SESTD1: variants seen among roughly 807,000 people sequenced by gnomAD.
SESTD1 encodes SEC14 and spectrin domain containing 1, also known as SEC14 domain and spectrin repeat-containing protein 1.
SESTD1 carries 43 observed loss-of-function variants against 101.7 expected under a neutral mutation model. The ratio of observed to expected loss-of-function variants is 0.42; its 90% CI spans 0.33 to 0.55. The LOEUF is 0.55. Ranked by LOEUF, SESTD1 falls within the 20% of genes least tolerant of loss-of-function variation. SESTD1 has a pLI of 0.07. For synonymous variants in SESTD1, 283 were observed against 286.8 expected (o/e 0.99, Z 0.13); for missense variants, 647 against 815.1 (o/e 0.79, Z 2.51).
intron 1 of SESTD1, among the ~76,000 whole-genome samples, chr2:179,255,501 C>T (rs553757390): frequency 3.3e-5 from 5 of 152,178 alleles, no homozygotes; most frequent in African/African-American, 9.7e-5. Context: ...TAATTCAGAG[C>T]AAGACACTAG....
intron 1 of SESTD1, among the ~76,000 whole-genome samples, chr2:179,217,819 T>C (rs1225908005): frequency 1.3e-5 from 2 of 152,226 alleles, no homozygotes; most frequent in Non-Finnish European, 2.9e-5. Flanking sequence ...GATGAGTTCA[T>C]GTCCTTTGCA....
At chr2:179,121,639 A>T in intron 13 of SESTD1, 131 bp downstream of exon 13, 1 of 624,856 alleles carries the variant, frequency 1.6e-6, no homozygotes, top group East Asian at 3.5e-5. Flanking sequence ...TATCACATTC[A>T]CCAAAAACCT....
rs535854495 is a variant in SESTD1 at position 179,239,176 on chromosome 2, A to AG, written c.-26+25322dup. Among the ~76,000 whole-genome samples the AG allele has an allele frequency of 2.0e-3, 301 of 152,344 alleles. 1 individual carries two copies. Among genetic ancestry groups the AG allele is most frequent in the African/African-American group, 6.7e-3 (279 of 41,584 alleles). ...AGTCTACAGTATCAATGGATTATATAGGATGCTATAAGCTCTGTACTGTTC... is the reference window on the plus strand; with the variant it reads ...AGTCTACAGTATCAATGGATTATATAGGGATGCTATAAGCTCTGTACTGTTC... On this transcript the variant is annotated intron_variant, in intron 1 of 17. Transcript: ENST00000428443.
chr2:179,253,558 C>G (rs1315874946), intron 1 of SESTD1, among the ~76,000 whole-genome samples: 1 of 152,010 alleles, frequency 6.6e-6, no homozygotes, highest in Non-Finnish European at 1.5e-5. Context: ...AAGATGAAAG[C>G]TTTTAATGTA....
chr2:179,237,561 T>C (rs1320603820), intron 1 of SESTD1, among the ~76,000 whole-genome samples: 1 of 152,174 alleles, frequency 6.6e-6, no homozygotes, highest in Non-Finnish European at 1.5e-5. Context: ...ATACTGTCAG[T>C]GAACATAAGA....
rs2044412338 is a variant in SESTD1 at position 179,107,611 on chromosome 2, AG to A, written c.*2287del. ...AGTTAGTATCTAAGAATCTAAGAAT[AG>A]ATTCACTTGTAAGTCAGTTCTAACT... On this transcript the variant is annotated 3_prime_UTR_variant, in exon 18 of 18. Coordinates refer to ENST00000428443, the MANE Select transcript of SESTD1 (RefSeq NM_178123.5). 1 of 152,186 alleles carries A rather than the reference AG, an allele frequency of 6.6e-6. No individual in the cohort carries two copies. The highest frequency in any genetic ancestry group is 6.5e-5 in the Admixed American group (1 of 15,282). 9.4% of individuals were successfully genotyped at this position (152,186 alleles called of 1,614,324 possible). A position where few individuals can be genotyped will look rare whatever the true frequency, so the allele number is the denominator to read the frequency against.
chr2:179,124,655 A>T, intron 10 of SESTD1, 97 bp from the exon 11 acceptor site: 1 of 1,025,990 alleles, frequency 9.7e-7, no homozygotes, highest in African/African-American at 1.7e-5. Flanking sequence ...GTAATACATG[A>T]TTTTTTTTTT....
At position 179,241,183 on chromosome 2, in the gene SESTD1, GA is replaced by G. The variant is rs535456768; in HGVS notation, c.-26+23315del. Among the ~76,000 whole-genome samples the G allele has an allele frequency of 7.2e-5, 11 of 152,246 alleles. No individual in the cohort carries two copies. In the East Asian group the frequency reaches 2.1e-3, roughly 29 times the overall value. On this transcript the variant is annotated intron_variant, in intron 1 of 17. Transcript: ENST00000428443. ...CATGATAATATCAAGAACACAGGTGGAAGAACAAATGAACAGATCCTCAAGG... is the reference window on the plus strand; with the variant it reads ...CATGATAATATCAAGAACACAGGTGGAGAACAAATGAACAGATCCTCAAGG...
rs1159415873 is a variant in SESTD1, at chr2:179,144,108, C to T, written c.638-305G>A. Among the ~76,000 whole-genome samples the T allele has an allele frequency of 2.0e-5, 3 of 148,396 alleles. 1 individual carries two copies. The East Asian group carries it at 5.8e-4, about 29-fold the overall frequency. On this transcript the variant is annotated intron_variant, in intron 8 of 17. Transcript: ENST00000428443. ...TATACTACATATTAAATATGGCATA[C>T]ATACGGTTTATATTTTTTTTTATCA... is the stretch of plus-strand genomic sequence containing the variant.
chr2:179,241,314 C>A (rs1238389202), intron 1 of SESTD1, among the ~76,000 whole-genome samples: 1 of 151,860 alleles, frequency 6.6e-6, no homozygotes, highest in African/African-American at 2.4e-5. Context: ...AAATTAAGGG[C>A]TAAAAACTTC....
rs373166350 is a variant in SESTD1, at chr2:179,148,977, G to A, written c.581+320C>T. Among the ~76,000 whole-genome samples, 45 of 148,304 alleles carry A rather than the reference G, an allele frequency of 3.0e-4. No homozygotes were observed. The East Asian group carries it at 6.0e-3, about 20-fold the overall frequency. On this transcript the variant is annotated intron_variant, in intron 7 of 17. Coordinates refer to ENST00000428443, the MANE Select transcript of SESTD1 (RefSeq NM_178123.5). ...GGAGATGCTGAGGCAGGAGAATGGC[G>A]GGAACCCAGGAGGCGGAGCTTGCAG...
At chr2:179,115,683 G>C (rs528263483) in intron 15 of SESTD1, among the ~76,000 whole-genome samples, 25 of 152,258 alleles carry the variant, frequency 1.6e-4, no homozygotes, top group African/African-American at 5.5e-4. Flanking sequence ...AGGAGTTTGA[G>C]GATGCAGTGC....
At chr2:179,174,582 T>C (rs950551010) in intron 4 of SESTD1, 3 of 383,226 alleles carry the variant, frequency 7.8e-6, no homozygotes, top group Non-Finnish European at 1.6e-5. Flanking sequence ...GCTTGAAATA[T>C]AAAAGTGCTG....
chr2:179,135,212 G>C (rs1334043338), intron 9 of SESTD1, among the ~76,000 whole-genome samples: 1 of 151,976 alleles, frequency 6.6e-6, no homozygotes, highest in Non-Finnish European at 1.5e-5. Context: ...CAAAGTGCTG[G>C]GATTACAGGT....
Position 179,249,161 on chromosome 2 carries a change from G to C in SESTD1, c.-26+15338C>G, listed in dbSNP as rs367726998. On this transcript the variant is annotated intron_variant, in intron 1 of 17. Coordinates refer to ENST00000428443, the MANE Select transcript of SESTD1 (RefSeq NM_178123.5). ...CACCAATCTTTTCAGTACAGTTTTGGAAGTTCTAATCAGTGCAATAACAAG... is the reference window on the plus strand; with the variant it reads ...CACCAATCTTTTCAGTACAGTTTTGCAAGTTCTAATCAGTGCAATAACAAG... Among the ~76,000 whole-genome samples, 33 of 145,174 alleles carry C rather than the reference G, an allele frequency of 2.3e-4. No individual in the cohort carries two copies. In the East Asian group the frequency reaches 2.4e-3, roughly 10 times the overall value.
chr2:179,263,716 A>T (rs1341280697), intron 1 of SESTD1, among the ~76,000 whole-genome samples: 1 of 152,220 alleles, frequency 6.6e-6, no homozygotes, highest in East Asian at 1.9e-4. Context: ...CAAACCGTGC[A>T]TCCCAGGGTG....
At chr2:179,220,416 G>A (rs905844563) in intron 1 of SESTD1, among the ~76,000 whole-genome samples, 1 of 152,168 alleles carries the variant, frequency 6.6e-6, no homozygotes, top group Admixed American at 6.5e-5. Context: ...TGCACTAGAG[G>A]AGCAAATCAC....
chr2:179,209,236 G>C (rs2046622982), intron 1 of SESTD1, among the ~76,000 whole-genome samples: 1 of 134,038 alleles, frequency 7.5e-6, no homozygotes, highest in African/African-American at 3.0e-5. Context: ...ATTACTACTA[G>C]ACCGAAGAAA....
intron 1 of SESTD1, among the ~76,000 whole-genome samples, chr2:179,200,437 G>A (rs557223130): frequency 1.3e-5 from 2 of 150,798 alleles, no homozygotes; most frequent in Admixed American, 1.3e-4. Flanking sequence ...AGTTCATATG[G>A]AACCAAAAAA....
Sources: allele counts gnomAD v4.1 joint callset (sites outside exome capture counted in the v4.1 genomes callset), GRCh38; gene constraint gnomAD v4.1.1; transcripts MANE v1.5; gene names NCBI Gene and HGNC (gene_info 2026-07-23, HGNC 2026-07-21).